CLDN14: variants seen among roughly 807,000 people sequenced by gnomAD.
CLDN14 encodes claudin-14.
CLDN14 carries 2 observed loss-of-function variants against 2.1 expected under a neutral mutation model. The observed-to-expected ratio is 0.96, with a 90% confidence interval of 0.39 to 3.01. CLDN14 has a LOEUF of 3.01. Ranked by LOEUF, CLDN14 falls within the 30% of genes most tolerant of loss-of-function variation. The pLI is 0.09. For missense variants in CLDN14, 298 were observed against 328.0 expected, an observed-to-expected ratio of 0.91 and a Z score of 0.71; for synonymous variants, 136 against 154.4, an observed-to-expected ratio of 0.88 and a Z score of 0.88.
intron 2 of CLDN14, among the ~76,000 whole-genome samples, chr21:36,497,561 A>G (rs900114643): frequency 3.9e-5 from 6 of 151,986 alleles, no homozygotes; most frequent in African/African-American, 1.5e-4. Context: ...AAACTCCAAC[A>G]GGCCCCAAAC....
intron 1 of CLDN14, among the ~76,000 whole-genome samples, chr21:36,478,978 C>G (rs540833958): frequency 3.8e-4 from 58 of 152,294 alleles, no homozygotes; most frequent in African/African-American, 1.3e-3. Flanking sequence ...CACTTCCCCC[C>G]CTCTCCTGCC....
chr21:36,488,270 C>CTTCCTTCCTTCCTTCCTTCCTTCT (rs2086920681), intron 2 of CLDN14, among the ~76,000 whole-genome samples: 5 of 147,538 alleles, frequency 3.4e-5, no homozygotes. Flanking sequence ...TCCTTCCTTC[C>CTTCCTTCCTTCCTTCCTTCCTTCT]TTCCCTCTCT....
intron 1 of CLDN14, among the ~76,000 whole-genome samples, chr21:36,520,551 T>C (rs1231238025): frequency 3.9e-5 from 6 of 152,220 alleles, no homozygotes; most frequent in Admixed American, 6.5e-5. Flanking sequence ...CCATGGAAGA[T>C]GTGCCTTTCA....
chr21:36,461,134 C>A lies in CLDN14; in HGVS notation c.562G>T (p.Glu188Ter). The A allele has an allele frequency of 6.2e-7, 1 of 1,613,916 alleles. No individual in the cohort carries two copies. The highest frequency in any genetic ancestry group is 1.3e-5 in the African/African-American group (1 of 75,056). The change falls in exon 2 of 2, where the codon GAG (glutamate) becomes TAG (stop). Residue 188 changes from glutamate (E) to a stop codon, truncating the protein, a stop_gained. Coordinates refer to ENST00000399135, the MANE Select transcript of CLDN14 (RefSeq NM_001146079.2). LOFTEE classifies it low-confidence loss of function (END_TRUNC). ...GTLLCLSCQD[E>*]APYRPYQAPP... is the part of the protein sequence containing the mutation. Reference sequence around the variant, plus strand: ...GCCTGGTAGGGCCTGTAGGGTGCCTCGTCCTGGCAGGACAGGCAAAGCAGG... The same window carrying A: ...GCCTGGTAGGGCCTGTAGGGTGCCTAGTCCTGGCAGGACAGGCAAAGCAGG...
At chr21:36,490,755 G>T (rs1020386940) in intron 2 of CLDN14, among the ~76,000 whole-genome samples, 1 of 152,032 alleles carries the variant, frequency 6.6e-6, no homozygotes, top group Non-Finnish European at 1.5e-5. Flanking sequence ...GGCTGGTCTC[G>T]AACTCTTGGC....
At chr21:36,534,164 C>T (rs1204634431) in intron 1 of CLDN14, among the ~76,000 whole-genome samples, 1 of 152,012 alleles carries the variant, frequency 6.6e-6, no homozygotes, top group African/African-American at 2.4e-5. Flanking sequence ...GGCAATGGCG[C>T]GATCTCAGCT....
intron 1 of CLDN14, among the ~76,000 whole-genome samples, chr21:36,523,781 G>GAGAGAGAGAGAGAGAGAGAGAGAGAA (rs1568868851): frequency 1.8e-4 from 7 of 38,338 alleles, no homozygotes; most frequent in South Asian, 1.1e-3. Flanking sequence ...GAGAGAAAGA[G>GAGAGAGAGAGAGAGAGAGAGAGAGAA]AGAAAGAAAG....
chr21:36,528,120 T>G (rs8127992), intron 1 of CLDN14, among the ~76,000 whole-genome samples: 52,782 of 152,082 alleles, frequency 0.35, 10,957 homozygotes, highest in African/African-American at 0.59. Context: ...GTTTTTCAAC[T>G]TCTCTGTTTG....
At chr21:36,491,948 A>G (rs944793802) in intron 2 of CLDN14, among the ~76,000 whole-genome samples, 1 of 152,140 alleles carries the variant, frequency 6.6e-6, no homozygotes, top group Admixed American at 6.6e-5. Context: ...TGCAAAACTC[A>G]CGTCCACCCA....
At chr21:36,512,781 C>T (rs1200012177) in intron 1 of CLDN14, among the ~76,000 whole-genome samples, 3 of 152,132 alleles carry the variant, frequency 2.0e-5, no homozygotes, top group African/African-American at 7.2e-5. Context: ...GAAAAAGAGC[C>T]AGAGGTTCCT....
At chr21:36,465,374 A>G (rs2086632328) in intron 1 of CLDN14, among the ~76,000 whole-genome samples, 1 of 152,242 alleles carries the variant, frequency 6.6e-6, no homozygotes, top group African/African-American at 2.4e-5. Flanking sequence ...GGCTAATTTT[A>G]GAAACCATTA....
chr21:36,513,554 C>T (rs757997055), intron 1 of CLDN14, among the ~76,000 whole-genome samples: 2 of 152,208 alleles, frequency 1.3e-5, no homozygotes, highest in African/African-American at 2.4e-5. Flanking sequence ...AACTCACATG[C>T]CAGTCACAGG....
intron 1 of CLDN14, among the ~76,000 whole-genome samples, chr21:36,549,145 G>GTT (rs778993757): frequency 4.2e-5 from 6 of 142,346 alleles, no homozygotes; most frequent in Admixed American, 1.4e-4. Flanking sequence ...CATAGCTGGT[G>GTT]TTTTTTTTTT....
rs1387921747 is a variant in CLDN14, at chr21:36,486,643, C to G, written c.-82+23720G>C. ...CATTCAACGTGTTTACAAAGGCTGT[C>G]AGCTTTTCTCTGTTCACCTCCTCTT... On this transcript the variant is annotated intron_variant, in intron 2 of 2. Transcript: ENST00000342108. 4 of 1,511,844 alleles carry G rather than the reference C, an allele frequency of 2.6e-6. No homozygotes were observed. In the African/African-American group the frequency reaches 5.5e-5, roughly 21 times the overall value. The allele number at this position is 1,511,844 out of a possible 1,614,324, so 93.7% of individuals were successfully genotyped here.
chr21:36,472,156 C>T (rs934445477), intron 1 of CLDN14, among the ~76,000 whole-genome samples: 9 of 152,160 alleles, frequency 5.9e-5, no homozygotes, highest in Non-Finnish European at 1.2e-4. Context: ...TCCAAGGTTA[C>T]GTCTGGGCTG....
intron 1 of CLDN14, among the ~76,000 whole-genome samples, chr21:36,556,401 T>C (rs973422866): frequency 2.6e-5 from 4 of 152,200 alleles, no homozygotes; most frequent in Admixed American, 2.6e-4. Flanking sequence ...TTGGACCCTA[T>C]AGTCCACTCC....
At chr21:36,494,873 C>T (rs1187192276) in intron 2 of CLDN14, among the ~76,000 whole-genome samples, 3 of 152,222 alleles carry the variant, frequency 2.0e-5, no homozygotes, top group Admixed American at 6.5e-5. Flanking sequence ...CAGATGAATA[C>T]AATGATTCTG....
At chr21:36,467,550 T>C (rs2086661885) in intron 1 of CLDN14, among the ~76,000 whole-genome samples, 1 of 152,172 alleles carries the variant, frequency 6.6e-6, no homozygotes, top group African/African-American at 2.4e-5. Context: ...TATCTCACCA[T>C]TGGTCCAAGT....
chr21:36,529,403 C>A (rs575228435), intron 1 of CLDN14, among the ~76,000 whole-genome samples: 3 of 152,222 alleles, frequency 2.0e-5, no homozygotes, highest in Admixed American at 2.0e-4. Context: ...ATTCTCCTGC[C>A]TCAGCCTCTC....
Sources: gnomAD v4.1 joint callset for allele counts (sites outside exome capture counted in the v4.1 genomes callset) on GRCh38, gnomAD v4.1.1 for gene constraint, MANE v1.5 for transcripts, NCBI Gene and HGNC (gene_info 2026-07-23, HGNC 2026-07-21) for gene names.